The following CCSER1 variants were observed in gnomAD, a reference collection of about 807,000 sequenced individuals.
CCSER1 encodes coiled-coil serine rich protein 1.
CCSER1 carries 41 observed loss-of-function variants against 82.0 expected under a neutral mutation model. The ratio of observed to expected loss-of-function variants is 0.50; its 90% CI spans 0.39 to 0.65. The LOEUF (loss-of-function observed/expected upper bound fraction) is 0.65, where lower values mean the gene tolerates loss of function less well. CCSER1 is among the 30% of genes least tolerant of loss of function. The pLI is 0.00. For missense variants in CCSER1, 1,119 were observed against 1,064.2 expected, an observed-to-expected ratio of 1.05 and a Z score of -0.72; for synonymous variants, 414 against 383.9, an observed-to-expected ratio of 1.08 and a Z score of -0.92.
chr4:90,480,804 G>T (rs1765824161), intron 5 of CCSER1, among the ~76,000 whole-genome samples: 1 of 152,168 alleles, frequency 6.6e-6, no homozygotes, highest in African/African-American at 2.4e-5. Flanking sequence ...TTTGAAGTCA[G>T]GTAGCATGAT....
At chr4:91,005,299 T>C (rs1200586434) in intron 9 of CCSER1, among the ~76,000 whole-genome samples, 6 of 152,284 alleles carry the variant, frequency 3.9e-5, no homozygotes, top group South Asian at 2.1e-4. Flanking sequence ...TGTAAATTTG[T>C]GGTGATTTAG....
intron 10 of CCSER1, among the ~76,000 whole-genome samples, chr4:91,413,585 A>G (rs551360109): frequency 2.0e-5 from 3 of 152,144 alleles, no homozygotes; most frequent in Non-Finnish European, 4.4e-5. Context: ...TGAATATATG[A>G]ATTAAGAGCA....
At chr4:90,595,426 T>C (rs1560779969) in intron 5 of CCSER1, among the ~76,000 whole-genome samples, 1 of 152,000 alleles carries the variant, frequency 6.6e-6, no homozygotes, top group Non-Finnish European at 1.5e-5. Flanking sequence ...TATAAAAAAT[T>C]TATTCTAAAC....
intron 10 of CCSER1, among the ~76,000 whole-genome samples, chr4:91,187,122 C>T (rs1054805747): frequency 2.0e-5 from 3 of 152,194 alleles, no homozygotes; most frequent in Non-Finnish European, 4.4e-5. Context: ...TGAGGTGATG[C>T]CCCACCTTGC....
chr4:90,792,486 A>G (rs1302828537), intron 7 of CCSER1, among the ~76,000 whole-genome samples: 2 of 152,200 alleles, frequency 1.3e-5, no homozygotes, highest in African/African-American at 4.8e-5. Context: ...TGAAATGTAC[A>G]GGGCCCCAGA....
At chr4:90,924,532 TCTAAATTC>T (rs1728808380) in intron 9 of CCSER1, among the ~76,000 whole-genome samples, 1 of 152,230 alleles carries the variant, frequency 6.6e-6, no homozygotes. Context: ...ACTCTAGATA[TCTAAATTC>T]TAGATCTCAA....
chr4:90,962,623 C>T (rs142423877), intron 9 of CCSER1, among the ~76,000 whole-genome samples: 2,422 of 152,044 alleles, frequency 0.016, 36 homozygotes, highest in Middle Eastern at 0.041. Flanking sequence ...AAGTTTAGAG[C>T]TTGGTAAAAA....
At chr4:91,580,305 T>G (rs998519445) in intron 10 of CCSER1, among the ~76,000 whole-genome samples, 3 of 151,904 alleles carry the variant, frequency 2.0e-5, no homozygotes, top group African/African-American at 7.2e-5. Context: ...ATGTTGACAT[T>G]CTTCTATACA....
In CCSER1 at chr4:90,399,753, A is replaced by G. The variant is rs558129231; in HGVS notation, c.1510-283A>G. Among the ~76,000 whole-genome samples the G allele has an allele frequency of 1.3e-3, 194 of 152,198 alleles. 1 individual carries two copies. Among genetic ancestry groups the G allele is most frequent in the Non-Finnish European group, 1.5e-3 (104 of 67,928 alleles). On this transcript the variant is annotated intron_variant, in intron 3 of 10. Transcript: ENST00000509176. ...CTTCTAATATCTTTCATATCTGCCC[A>G]TATGTACTTCCATTTAATTATAAGT...
At chr4:90,853,412 A>C (rs556207922) in intron 8 of CCSER1, among the ~76,000 whole-genome samples, 1 of 152,318 alleles carries the variant, frequency 6.6e-6, no homozygotes, top group East Asian at 1.9e-4. Context: ...GTGATTAATA[A>C]AAGTACAAGA....
intron 10 of CCSER1, among the ~76,000 whole-genome samples, chr4:91,417,005 C>G (rs1753404905): frequency 6.6e-6 from 1 of 151,794 alleles, no homozygotes; most frequent in Non-Finnish European, 1.5e-5. Context: ...AACAAATTTA[C>G]AAGAAAAAAA....
At chr4:91,069,078 G>A (rs1721155284) in intron 9 of CCSER1, among the ~76,000 whole-genome samples, 1 of 152,038 alleles carries the variant, frequency 6.6e-6, no homozygotes, top group African/African-American at 2.4e-5. Context: ...GGAGGCTGAG[G>A]CAGAAGAATC....
chr4:90,225,077 A>C (rs1299917044), intron 1 of CCSER1, among the ~76,000 whole-genome samples: 3 of 145,790 alleles, frequency 2.1e-5, no homozygotes, highest in African/African-American at 2.5e-5. Context: ...TTTCTTTTTT[A>C]TTTTTGAGAC....
chr4:90,152,956 A>G (rs370142488), intron 1 of CCSER1, among the ~76,000 whole-genome samples: 1 of 150,788 alleles, frequency 6.6e-6, no homozygotes, highest in Non-Finnish European at 1.5e-5. Context: ...ACATATGTAT[A>G]CATGTGCCAT....
At chr4:91,328,700 C>G (rs1746736637) in intron 10 of CCSER1, among the ~76,000 whole-genome samples, 1 of 152,104 alleles carries the variant, frequency 6.6e-6, no homozygotes, top group African/African-American at 2.4e-5. Flanking sequence ...AAATAAAACA[C>G]TTTTGGCACC....
chr4:91,199,659 TAGAA>T (rs1735744118), intron 10 of CCSER1, among the ~76,000 whole-genome samples: 1 of 152,060 alleles, frequency 6.6e-6, no homozygotes, highest in South Asian at 2.1e-4. Context: ...GGTGCTTCTA[TAGAA>T]AGAGTTTGAG....
At chr4:91,531,125 A>G (rs1761008960) in intron 10 of CCSER1, among the ~76,000 whole-genome samples, 2 of 152,200 alleles carry the variant, frequency 1.3e-5, no homozygotes, top group South Asian at 4.1e-4. Context: ...GGTAGTAATT[A>G]GACAAAGACA....
chr4:91,108,965 CAGAT>C (rs111945593), intron 10 of CCSER1, among the ~76,000 whole-genome samples: 2 of 152,196 alleles, frequency 1.3e-5, no homozygotes, highest in African/African-American at 4.8e-5. Context: ...GCTGAGGACT[CAGAT>C]AGAATGAAAA....
intron 10 of CCSER1, among the ~76,000 whole-genome samples, chr4:91,111,608 TAAAG>T (rs1411924496): frequency 1.5e-4 from 23 of 151,874 alleles, no homozygotes; most frequent in African/African-American, 5.6e-4. Context: ...AAAAATAAAA[TAAAG>T]ATTGTATATA....
Sources: allele counts gnomAD v4.1 joint callset (sites outside exome capture counted in the v4.1 genomes callset), GRCh38; gene constraint gnomAD v4.1.1; transcripts MANE v1.5; gene names NCBI Gene and HGNC (gene_info 2026-07-23, HGNC 2026-07-21).